The following GIPC1 variants were observed in gnomAD, a reference collection of about 807,000 sequenced individuals.
GIPC1 encodes PDZ domain-containing protein GIPC1.
GIPC1 carries 15 observed loss-of-function variants against 28.5 expected under a neutral mutation model. That is an observed-to-expected ratio of 0.53 (90% confidence interval 0.35 to 0.81). The LOEUF is 0.81. Among genes scored for constraint, GIPC1 ranks in the 30% least tolerant of loss-of-function variants. The pLI is 0.01. For missense variants in GIPC1, 439 were observed against 481.9 expected, an observed-to-expected ratio of 0.91 and a Z score of 0.83; for synonymous variants, 224 against 206.1, an observed-to-expected ratio of 1.09 and a Z score of -0.74.
chr19:14,484,323 A>G (rs1330625424), intron 3 of GIPC1, among the ~76,000 whole-genome samples: 1 of 151,674 alleles, frequency 6.6e-6, no homozygotes, highest in East Asian at 1.9e-4. Flanking sequence ...TTTGGTAGAG[A>G]TGGGGTTTCA....
In GIPC1 at chr19:14,478,353, G is replaced by T; in HGVS notation, c.*63C>A. The T allele has an allele frequency of 6.1e-6, 9 of 1,483,172 alleles. No individual in the cohort carries two copies. The South Asian group carries it at 8.8e-5, about 15-fold the overall frequency. 91.9% of individuals were successfully genotyped at this position (1,483,172 alleles called of 1,614,324 possible). On this transcript the variant is annotated 3_prime_UTR_variant, in exon 9 of 9. Transcript: ENST00000393033. The surrounding 1 kb of genome is among the most constrained non-coding windows in gnomAD (Gnocchi z 5.2). ...TGGAGGCTCGGGTCCTGACGTCAGT[G>T]TCCCTGCTGGGGGCCCCCACCAGGT...
At chr19:14,479,982 A>T (rs2146460292) in intron 6 of GIPC1, 1 of 491,792 alleles carries the variant, frequency 2.0e-6, no homozygotes, top group African/African-American at 2.0e-5. Context: ...CCAGATGGAA[A>T]AGTGGGGGGG....
chr19:14,494,194 T>C (rs752521903), intron 1 of GIPC1, among the ~76,000 whole-genome samples: 1 of 151,516 alleles, frequency 6.6e-6, no homozygotes, highest in Non-Finnish European at 1.5e-5. Context: ...TCCTGACCTC[T>C]TGACCCACCT....
At chr19:14,488,579 C>A (rs1452229052) in intron 3 of GIPC1, among the ~76,000 whole-genome samples, 1 of 152,088 alleles carries the variant, frequency 6.6e-6, no homozygotes, top group Admixed American at 6.6e-5. Context: ...TGGTGAAACC[C>A]CGTCTCTACT....
chr19:14,489,413 T>C, intron 3 of GIPC1: 1 of 809,190 alleles, frequency 1.2e-6, no homozygotes, highest in Non-Finnish European at 2.2e-6. Context: ...CCTCCTGAGT[T>C]GAAAAAATTT....
intron 3 of GIPC1, chr19:14,483,693 G>A (rs920559999): frequency 1.1e-4 from 17 of 151,454 alleles, no homozygotes; most frequent in African/African-American, 4.1e-4. Flanking sequence ...AGGTTGCAGT[G>A]AGCCAAGATC....
At chr19:14,489,263 C>T in intron 3 of GIPC1, 2 of 659,182 alleles carry the variant, frequency 3.0e-6, no homozygotes, top group Admixed American at 2.2e-5. Flanking sequence ...GAAACTCATG[C>T]TCGAACAATC....
intron 1 of GIPC1, among the ~76,000 whole-genome samples, chr19:14,494,393 C>T: frequency 6.6e-6 from 1 of 152,180 alleles, no homozygotes; most frequent in Non-Finnish European, 1.5e-5. Context: ...CGCCCGGGCC[C>T]CCTTGCCTGA....
At chr19:14,495,755 G>A (rs1235906117) in intron 1 of GIPC1, among the ~76,000 whole-genome samples, 1 of 152,106 alleles carries the variant, frequency 6.6e-6, no homozygotes, top group South Asian at 2.1e-4. Flanking sequence ...CGCTGGGATG[G>A]GGACAGTCCA....
In GIPC1 at chr19:14,486,560, G is replaced by A. The variant is rs192577742; in HGVS notation, c.-30-3554C>T. Among the ~76,000 whole-genome samples, 38 of 152,250 alleles carry A rather than the reference G, an allele frequency of 2.5e-4. No homozygotes were observed. The East Asian group carries it at 6.9e-3, about 28-fold the overall frequency. On this transcript the variant is annotated intron_variant, in intron 3 of 8. Transcript: ENST00000393033. Reference sequence around the variant, plus strand: ...GACTCTATGAGGCCGGGCCCTGAATGACTACGGTGAATGGTGCCCCCTGCT... The same window carrying A: ...GACTCTATGAGGCCGGGCCCTGAATAACTACGGTGAATGGTGCCCCCTGCT...
At chr19:14,479,659 C>T (rs949856534) in intron 6 of GIPC1, 135 bp from the exon 7 acceptor site, 11 of 478,440 alleles carry the variant, frequency 2.3e-5, no homozygotes, top group Admixed American at 8.4e-5. Context: ...GGGCTGGGGC[C>T]GGGGTGATCC....
intron 6 of GIPC1, 188 bp from the exon 7 acceptor site, chr19:14,479,712 G>A (rs888069420): frequency 1.3e-5 from 6 of 447,760 alleles, no homozygotes; most frequent in Non-Finnish European, 2.4e-5. Flanking sequence ...ATGGATGTGG[G>A]GCAGAGCAGG....
rs560833453 is a variant in GIPC1, at chr19:14,479,468, T to G, written c.712A>C (p.Thr238Pro). The change falls in exon 7 of 9, where the codon ACT becomes CCT. Residue 238 changes from threonine (T) to proline (P), a missense_variant. Transcript: ENST00000393033. ...GRPGSGPQLG[T>P]GRGTLRLRSR... ...CGGAGCCGCAGGGTCCCTCGGCCAGTGCCCAGTTGTGGGCCAGAGCCAGGG... is the reference window on the plus strand; with the variant it reads ...CGGAGCCGCAGGGTCCCTCGGCCAGGGCCCAGTTGTGGGCCAGAGCCAGGG... 128 of 1,436,948 alleles carry G rather than the reference T, an allele frequency of 8.9e-5. No homozygotes were observed. In the Middle Eastern group the frequency reaches 2.0e-3, roughly 22 times the overall value. 89.0% of individuals were successfully genotyped at this position (1,436,948 alleles called of 1,614,324 possible). A position where few individuals can be genotyped will look rare whatever the true frequency, so the allele number is the denominator to read the frequency against.
rs1381304965 is a variant in GIPC1, at chr19:14,478,377, GTTGCGCCC to G, written c.*31_*38del. The stretch of plus-strand genomic sequence containing the variant: ...TGTCCCTGCTGGGGGCCCCCACCAG[GTTGCGCCC>G]GGGTCATCATCGCAGGGTCCGGGGG... On this transcript the variant is annotated 3_prime_UTR_variant, in exon 9 of 9. Transcript: ENST00000393033. This position sits in a 1 kb window ranked among gnomAD's most constrained non-coding sequence, Gnocchi z 5.2. 1.3e-6 allele frequency: 2 copies of G among 1,559,590 alleles called. No individual in the cohort carries two copies. The highest frequency in any genetic ancestry group is 3.7e-5 in the Admixed American group (2 of 53,686).
intron 3 of GIPC1, among the ~76,000 whole-genome samples, chr19:14,485,159 C>A (rs1258223557): frequency 4.0e-5 from 6 of 149,390 alleles, no homozygotes; most frequent in Admixed American, 2.0e-4. Context: ...GACTCAGTCT[C>A]AAAAAAAAAT....
Position 14,478,328 on chromosome 19 carries a change from T to C in GIPC1, c.*88A>G. 2.9e-6 allele frequency: 4 copies of C among 1,359,362 alleles called. No individual in the cohort carries two copies. The highest frequency in any genetic ancestry group is 4.0e-6 in the Non-Finnish European group (4 of 996,092). The allele number at this position is 1,359,362 out of a possible 1,614,324, so 84.2% of individuals were successfully genotyped here. The stretch of plus-strand genomic sequence containing the variant: ...TTGGGCTGCTGAGCTAGGCTCAGGC[T>C]GGAGGCTCGGGTCCTGACGTCAGTG... On this transcript the variant is annotated 3_prime_UTR_variant, in exon 9 of 9. Coordinates refer to ENST00000393033, the MANE Select transcript of GIPC1 (RefSeq NM_005716.4). The surrounding 1 kb of genome is among the most constrained non-coding windows in gnomAD (Gnocchi z 5.2).
In GIPC1 at chr19:14,480,471, G is replaced by A; in HGVS notation, c.489C>T (p.Gly163=). The A allele has an allele frequency of 1.9e-6, 3 of 1,611,994 alleles. No homozygotes were observed. In the South Asian group the frequency reaches 3.3e-5, roughly 18 times the overall value. ...GYAFIKRIKE[G]SVIDHIHLIS... ...TGAGGTGGATGTGGTCGATCACGCT[G>A]CCCTCCTTGATGCGCTGCGGGGGCG... The change falls in exon 6 of 9, where the codon GGC becomes GGT. Residue 163 remains glycine (G), a synonymous_variant. Coordinates refer to ENST00000393033, the MANE Select transcript of GIPC1 (RefSeq NM_005716.4).
At chr19:14,495,984 G>A in intron 1 of GIPC1, 53 bp downstream of exon 1, 1 of 181,410 alleles carries the variant, frequency 5.5e-6, no homozygotes, top group Non-Finnish European at 1.1e-5. Context: ...TCGCAGGCCC[G>A]CGACCCCCGA....
rs1482625071 is a variant in GIPC1, at chr19:14,483,358, A to T, written c.-30-352T>A. On this transcript the variant is annotated intron_variant, in intron 3 of 8. Transcript: ENST00000393033. Reference sequence around the variant, plus strand: ...GTAATCCCAGCTACTTGGGAGGCTGAGGCACAAGAATAGCTTGAACTGGAG... The same window carrying T: ...GTAATCCCAGCTACTTGGGAGGCTGTGGCACAAGAATAGCTTGAACTGGAG... The T allele has an allele frequency of 3.1e-5, 6 of 192,124 alleles. No homozygotes were observed. The Admixed American group carries it at 3.2e-4, about 10-fold the overall frequency. The allele number at this position is 192,124 out of a possible 1,614,324, so 11.9% of individuals were successfully genotyped here.
Sources: allele counts gnomAD v4.1 joint callset (sites outside exome capture counted in the v4.1 genomes callset), GRCh38; gene constraint gnomAD v4.1.1; non-coding constraint Gnocchi (gnomAD v3.1); transcripts MANE v1.5; gene names NCBI Gene and HGNC (gene_info 2026-07-23, HGNC 2026-07-21).